Variants in PRKAG2 observed in about 807,000 individuals in gnomAD.
PRKAG2 encodes 5'-AMP-activated protein kinase subunit gamma-2.
Under a neutral mutation model 69.6 loss-of-function variants are expected in PRKAG2, and 26 were observed. That is an observed-to-expected ratio of 0.37 (90% CI 0.27 to 0.52). The LOEUF is 0.52. PRKAG2 is among the 20% of genes least tolerant of loss of function. The pLI, the probability that PRKAG2 is intolerant of heterozygous loss-of-function variation, is 0.90. For synonymous variants in PRKAG2, 293 were observed against 285.0 expected (o/e 1.03, Z -0.28); for missense variants, 557 against 740.0 (o/e 0.75, Z 2.87).
chr7:151,721,586 G>A (rs753609183), intron 3 of PRKAG2, among the ~76,000 whole-genome samples: 7 of 152,166 alleles, frequency 4.6e-5, no homozygotes, highest in East Asian at 1.9e-4. Context: ...AGGCCTGCCC[G>A]TGACAGTGGG....
At chr7:151,612,634 G>A (rs940932212) in intron 5 of PRKAG2, among the ~76,000 whole-genome samples, 2 of 152,228 alleles carry the variant, frequency 1.3e-5, no homozygotes, top group South Asian at 2.1e-4. Flanking sequence ...ACTGCCTGGC[G>A]GTTGTCACCA....
intron 1 of PRKAG2, among the ~76,000 whole-genome samples, chr7:151,789,150 C>T (rs868033753): frequency 2.0e-5 from 3 of 152,064 alleles, no homozygotes; most frequent in South Asian, 2.1e-4. Flanking sequence ...TAAGATTCCA[C>T]ATGAATTTTA....
In PRKAG2 at chr7:151,621,874, C is replaced by T. The variant is rs544714175; in HGVS notation, c.754+10195G>A. Among the ~76,000 whole-genome samples, 87 of 152,234 alleles carry T rather than the reference C, an allele frequency of 5.7e-4. No individual in the cohort carries two copies. The South Asian group carries it at 6.4e-3, about 11-fold the overall frequency. ...ACAGGCGTGAACCACCATGCCCGGC[C>T]GGTGTGCTTTGATCAACGTTACTTT... On this transcript the variant is annotated intron_variant, in intron 5 of 15. Coordinates refer to ENST00000287878, the MANE Select transcript of PRKAG2 (RefSeq NM_016203.4).
At chr7:151,605,573 C>CATG (rs1365004237) in intron 5 of PRKAG2, among the ~76,000 whole-genome samples, 1 of 150,560 alleles carries the variant, frequency 6.6e-6, no homozygotes, top group Admixed American at 6.6e-5. Flanking sequence ...CCCGTCTCTA[C>CATG]TAAAAATACA....
intron 1 of PRKAG2, among the ~76,000 whole-genome samples, chr7:151,801,735 AC>A (rs1450604004): frequency 2.6e-5 from 4 of 152,166 alleles, no homozygotes; most frequent in African/African-American, 9.7e-5. Flanking sequence ...AGGGAAGAAA[AC>A]TGCTGAGATG....
intron 3 of PRKAG2, among the ~76,000 whole-genome samples, chr7:151,682,898 G>A (rs1024356872): frequency 2.0e-5 from 3 of 152,192 alleles, no homozygotes; most frequent in Admixed American, 6.5e-5. Context: ...GGTCTGCCCC[G>A]GCCCAGGGGC....
intron 5 of PRKAG2, among the ~76,000 whole-genome samples, chr7:151,624,651 G>A (rs981834527): frequency 6.6e-5 from 10 of 152,096 alleles, no homozygotes; most frequent in African/African-American, 2.4e-4. Context: ...GATTCCGCAG[G>A]CGAGCCATCC....
intron 3 of PRKAG2, among the ~76,000 whole-genome samples, chr7:151,678,265 C>T (rs907404132): frequency 5.3e-5 from 8 of 152,242 alleles, no homozygotes; most frequent in Admixed American, 5.2e-4. Flanking sequence ...CAAGATCTAC[C>T]GTCTGTCTTG....
chr7:151,724,899 G>T (rs1245455906), intron 3 of PRKAG2, among the ~76,000 whole-genome samples: 2 of 152,110 alleles, frequency 1.3e-5, no homozygotes, highest in Admixed American at 1.3e-4. Context: ...GACCCGGGGC[G>T]TGGCGGGGCT....
At chr7:151,792,540 C>T (rs2077312182) in intron 1 of PRKAG2, among the ~76,000 whole-genome samples, 3 of 152,214 alleles carry the variant, frequency 2.0e-5, no homozygotes, top group Admixed American at 2.0e-4. Context: ...GTATATCGAT[C>T]AGATGCAGTT....
intron 6 of PRKAG2, among the ~76,000 whole-genome samples, chr7:151,592,003 C>A (rs927742567): frequency 6.6e-6 from 1 of 152,188 alleles, no homozygotes; most frequent in African/African-American, 2.4e-5. Flanking sequence ...GCCCCCCAAG[C>A]CGAATGCTGA....
intron 4 of PRKAG2, among the ~76,000 whole-genome samples, chr7:151,667,290 C>T (rs2151445553): frequency 6.6e-6 from 1 of 152,326 alleles, no homozygotes; most frequent in East Asian, 1.9e-4. Context: ...ATCCTGCACA[C>T]CAATCTCTTC....
At chr7:151,729,995 G>T (rs1213564893) in intron 3 of PRKAG2, among the ~76,000 whole-genome samples, 2 of 152,222 alleles carry the variant, frequency 1.3e-5, no homozygotes, top group Non-Finnish European at 2.9e-5. Flanking sequence ...GTAGAAAGTA[G>T]AATGGTGTTT....
intron 3 of PRKAG2, among the ~76,000 whole-genome samples, chr7:151,714,486 C>T (rs1225129179): frequency 5.1e-5 from 7 of 138,498 alleles, no homozygotes; most frequent in Non-Finnish European, 7.5e-5. Context: ...CTCCCATCCA[C>T]GCACCACGTC....
At chr7:151,862,783 G>C (rs779933324) in intron 1 of PRKAG2, among the ~76,000 whole-genome samples, 1 of 152,274 alleles carries the variant, frequency 6.6e-6, no homozygotes, top group Middle Eastern at 3.4e-3. Context: ...CCCAAGTGCA[G>C]GGGGCACTGG....
At chr7:151,566,036 T>A in intron 11 of PRKAG2, 151 bp from the exon 12 acceptor site, 1 of 853,576 alleles carries the variant, frequency 1.2e-6, no homozygotes, top group Non-Finnish European at 1.9e-6. Flanking sequence ...ATGAGAAAAT[T>A]ACAAAGGACT....
rs187296636 is a variant in PRKAG2, at chr7:151,853,905, G to A, written c.114+22602C>T. ...AAATAAGACCTTCTGACCCCAAACC[G>A]AGGCTCCTCCTATGAAATCATGCTG... On this transcript the variant is annotated intron_variant, in intron 1 of 15. Transcript: ENST00000287878. Among the ~76,000 whole-genome samples, 377 of 152,026 alleles carry A rather than the reference G, an allele frequency of 2.5e-3. 1 individual carries two copies. The Middle Eastern group carries it at 0.031, about 12-fold the overall frequency.
At chr7:151,800,696 A>C (rs1372736430) in intron 1 of PRKAG2, among the ~76,000 whole-genome samples, 1 of 152,228 alleles carries the variant, frequency 6.6e-6, no homozygotes, top group Non-Finnish European at 1.5e-5. Flanking sequence ...CAGGTGGTGC[A>C]CAGGGGATTT....
chr7:151,708,676 G>T, intron 3 of PRKAG2, among the ~76,000 whole-genome samples: 1 of 152,196 alleles, frequency 6.6e-6, no homozygotes, highest in East Asian at 1.9e-4. Flanking sequence ...CATGTAATGT[G>T]GGCAGTGACC....
Sources: allele counts gnomAD v4.1 joint callset (sites outside exome capture counted in the v4.1 genomes callset), GRCh38; gene constraint gnomAD v4.1.1; transcripts MANE v1.5; gene names NCBI Gene and HGNC (gene_info 2026-07-23, HGNC 2026-07-21).